Variants in PTPRN2 observed in about 807,000 individuals in gnomAD.
PTPRN2 encodes protein tyrosine phosphatase receptor type N2, also known as receptor-type tyrosine-protein phosphatase N2.
PTPRN2 carries 74 observed loss-of-function variants against 118.8 expected under a neutral mutation model. The observed-to-expected ratio is 0.62, with a 90% confidence interval of 0.52 to 0.76. The LOEUF (loss-of-function observed/expected upper bound fraction) is 0.76, where lower values mean the gene tolerates loss of function less well. Among genes scored for constraint, PTPRN2 ranks in the 30% least tolerant of loss-of-function variants. The pLI, the probability that PTPRN2 is intolerant of heterozygous loss-of-function variation, is 0.00. For missense variants in PTPRN2, 1,481 were observed against 1,394.4 expected (o/e 1.06, Z -0.99); for synonymous variants, 641 against 608.0 (o/e 1.05, Z -0.80).
intron 9 of PTPRN2, among the ~76,000 whole-genome samples, chr7:158,127,075 T>C (rs970718817): frequency 6.6e-6 from 1 of 152,208 alleles, no homozygotes; most frequent in African/African-American, 2.4e-5. Flanking sequence ...CAGCTGCAGC[T>C]GTCTCCCTTG....
intron 2 of PTPRN2, among the ~76,000 whole-genome samples, chr7:158,439,639 T>G (rs1816838820): frequency 6.6e-6 from 1 of 152,252 alleles, no homozygotes; most frequent in South Asian, 2.1e-4. Flanking sequence ...CATCTCTAAT[T>G]CTTTTAAATA....
At chr7:158,324,967 G>A (rs910095391) in intron 2 of PTPRN2, among the ~76,000 whole-genome samples, 8 of 152,126 alleles carry the variant, frequency 5.3e-5, no homozygotes, top group East Asian at 1.9e-4. Flanking sequence ...GCCCAGAGAC[G>A]CTAACTGTGC....
intron 11 of PTPRN2, among the ~76,000 whole-genome samples, chr7:157,905,551 T>C (rs1292428743): frequency 6.6e-6 from 1 of 152,260 alleles, no homozygotes; most frequent in African/African-American, 2.4e-5. Flanking sequence ...AACCCTATAA[T>C]GTTCTCAAAA....
At position 158,205,052 on chromosome 7, in the gene PTPRN2, G is replaced by GCA; in HGVS notation, c.380+117_380+118dup. The GCA allele has an allele frequency of 3.4e-6, 3 of 873,042 alleles. No homozygotes were observed. The South Asian group carries it at 5.1e-5, about 15-fold the overall frequency. The allele number at this position is 873,042 out of a possible 1,614,324, so 54.1% of individuals were successfully genotyped here. A position where few individuals can be genotyped will look rare whatever the true frequency, so the allele number is the denominator to read the frequency against. On this transcript the variant is annotated intron_variant, in intron 4 of 22. Transcript: ENST00000389418. ...GACATCCTAACTTTCTGAAACGTCT[G>GCA]CACCAGAAAGATGGTGGGTGCTTTG...
intron 2 of PTPRN2, among the ~76,000 whole-genome samples, chr7:158,330,045 C>G (rs191589080): frequency 2.0e-5 from 3 of 146,872 alleles, no homozygotes; most frequent in Non-Finnish European, 3.0e-5. Flanking sequence ...CATCTGCAGA[C>G]GTCACTCACA....
intron 12 of PTPRN2, among the ~76,000 whole-genome samples, chr7:157,707,706 C>T (rs1798405037): frequency 1.3e-5 from 2 of 152,126 alleles, no homozygotes; most frequent in South Asian, 4.1e-4. Flanking sequence ...GCCTCAGCCT[C>T]CCATAATCCC....
chr7:157,664,183 C>T (rs1347070600), intron 13 of PTPRN2, among the ~76,000 whole-genome samples: 1 of 152,266 alleles, frequency 6.6e-6, no homozygotes, highest in Non-Finnish European at 1.5e-5. Flanking sequence ...AAGGCAGTCG[C>T]ATCCACGGTG....
At chr7:158,430,414 A>G (rs7786808) in intron 2 of PTPRN2, among the ~76,000 whole-genome samples, 88,999 of 152,058 alleles carry the variant, frequency 0.59, 26,529 homozygotes, top group African/African-American at 0.65. Context: ...GATGAAAACC[A>G]CCCCAGGCAC....
intron 10 of PTPRN2, among the ~76,000 whole-genome samples, chr7:158,092,300 G>A (rs1182970902): frequency 1.4e-5 from 2 of 147,754 alleles, no homozygotes; most frequent in African/African-American, 5.0e-5. Flanking sequence ...ATATGTAGGT[G>A]AGTGGGTGGG....
intron 5 of PTPRN2, among the ~76,000 whole-genome samples, chr7:158,178,563 G>C (rs138143413): frequency 2.0e-3 from 286 of 145,292 alleles, no homozygotes; most frequent in Non-Finnish European, 3.6e-3. Context: ...GTATTCCATG[G>C]TGTATATATA....
At chr7:158,301,390 G>A (rs370513309) in intron 3 of PTPRN2, among the ~76,000 whole-genome samples, 88 of 152,336 alleles carry the variant, frequency 5.8e-4, no homozygotes, top group Non-Finnish European at 7.5e-4. Flanking sequence ...AAGCTGAACA[G>A]ATGTATTTAT....
chr7:158,366,937 C>T (rs1341690137), intron 2 of PTPRN2, among the ~76,000 whole-genome samples: 1 of 152,226 alleles, frequency 6.6e-6, no homozygotes, highest in Non-Finnish European at 1.5e-5. Flanking sequence ...GGGAGTGTTT[C>T]TGCTACATAA....
intron 10 of PTPRN2, among the ~76,000 whole-genome samples, chr7:158,098,725 G>A (rs989135488): frequency 5.3e-5 from 8 of 152,192 alleles, no homozygotes; most frequent in African/African-American, 1.9e-4. Flanking sequence ...GAAGAAGGAC[G>A]TTTATCTCGT....
intron 11 of PTPRN2, among the ~76,000 whole-genome samples, chr7:157,945,293 T>C (rs1259420580): frequency 6.6e-6 from 1 of 152,120 alleles, no homozygotes; most frequent in Non-Finnish European, 1.5e-5. Context: ...TGGGTTCTCC[T>C]TCCAGACTCA....
chr7:158,448,516 TC>T (rs1255005994), intron 2 of PTPRN2, among the ~76,000 whole-genome samples: 3 of 151,988 alleles, frequency 2.0e-5, no homozygotes, highest in Non-Finnish European at 2.9e-5. Flanking sequence ...GGGGGTCCCC[TC>T]CAGAGGAGCT....
chr7:158,150,957 C>T (rs897445793), intron 6 of PTPRN2, among the ~76,000 whole-genome samples: 2 of 151,984 alleles, frequency 1.3e-5, no homozygotes, highest in Non-Finnish European at 2.9e-5. Context: ...TTCTGTGCAT[C>T]CCACCCTGCT....
rs1563283966 is a variant in PTPRN2 at position 157,632,563 on chromosome 7, T to A, written c.2197-11054A>T. Among the ~76,000 whole-genome samples the A allele has an allele frequency of 1.3e-5, 2 of 152,146 alleles. No homozygotes were observed. Among genetic ancestry groups the A allele is most frequent in the African/African-American group, 4.8e-5 (2 of 41,428 alleles). On this transcript the variant is annotated intron_variant, in intron 14 of 22. Coordinates refer to ENST00000389418, the MANE Select transcript of PTPRN2 (RefSeq NM_002847.5). The surrounding 1 kb of genome is among the most constrained non-coding windows in gnomAD (Gnocchi z 4.3). Reference sequence around the variant, plus strand: ...TTGATGGATTGTTTTACGTTGGGCATTTTTTAGCAAGATATCATATTAGGG... The same window carrying A: ...TTGATGGATTGTTTTACGTTGGGCAATTTTTAGCAAGATATCATATTAGGG...
chr7:158,571,289 A>G (rs527272911), intron 1 of PTPRN2, among the ~76,000 whole-genome samples: 15 of 143,354 alleles, frequency 1.0e-4, no homozygotes, highest in African/African-American at 3.3e-4. Flanking sequence ...GTTTGAGACC[A>G]GTCTGATGAA....
At chr7:158,121,057 T>G (rs1053846990) in intron 9 of PTPRN2, among the ~76,000 whole-genome samples, 2 of 152,148 alleles carry the variant, frequency 1.3e-5, no homozygotes, top group African/African-American at 2.4e-5. Flanking sequence ...TTCGTGTGGC[T>G]GCAGGTTCCT....
Sources: gnomAD v4.1 joint callset for allele counts (sites outside exome capture counted in the v4.1 genomes callset) on GRCh38, gnomAD v4.1.1 for gene constraint, Gnocchi (gnomAD v3.1) non-coding constraint, MANE v1.5 for transcripts, NCBI Gene and HGNC (gene_info 2026-07-23, HGNC 2026-07-21) for gene names.